ZNF469: variants seen among roughly 807,000 people sequenced by gnomAD.
The protein encoded by ZNF469 is zinc finger protein 469.
In ZNF469, 1 loss-of-function variant was observed where a neutral mutation model predicts 1.0. The observed-to-expected ratio is 1.00, with a 90% CI of 0.35 to 4.73. ZNF469 has a LOEUF of 4.73. Ranked by LOEUF, ZNF469 falls within the 30% of genes most tolerant of loss-of-function variation. The probability of loss-of-function intolerance (pLI) is 0.16; values close to 1 mark genes in which losing one functional copy is unlikely to be tolerated. For missense variants in ZNF469, 6,100 were observed against 5,356.3 expected (o/e 1.14, Z -4.33); for synonymous variants, 2,703 against 2,363.4 (o/e 1.14, Z -4.17).
chr16:88,233,419 C>T, the ZNF469 span, among the ~76,000 whole-genome samples: 3 of 152,346 alleles, frequency 2.0e-5, no homozygotes, highest in Non-Finnish European at 2.9e-5. Context: ...ACATCATTGC[C>T]GTCTTCCTGG....
At chr16:88,360,340 A>C in the ZNF469 span, among the ~76,000 whole-genome samples, 1 of 152,192 alleles carries the variant, frequency 6.6e-6, no homozygotes, top group Non-Finnish European at 1.5e-5. Flanking sequence ...TTTCAAGTGA[A>C]CTTTACATGC....
chr16:88,190,371 C>T, the ZNF469 span, among the ~76,000 whole-genome samples: 2 of 152,232 alleles, frequency 1.3e-5, no homozygotes, highest in South Asian at 4.1e-4. Flanking sequence ...CCAGCACAGC[C>T]CCACCATGCA....
chr16:88,115,734 C>T, the ZNF469 span, among the ~76,000 whole-genome samples: 4 of 151,600 alleles, frequency 2.6e-5, no homozygotes, highest in Non-Finnish European at 5.9e-5. Context: ...CGTACTCCTT[C>T]TGGGGGCTCT....
the ZNF469 span, among the ~76,000 whole-genome samples, chr16:88,102,274 T>C: frequency 6.6e-6 from 1 of 152,146 alleles, no homozygotes; most frequent in Non-Finnish European, 1.5e-5. Context: ...CCCAGCACTT[T>C]GGGAGGCCAA....
At position 88,434,003 on chromosome 16, in the gene ZNF469, C is replaced by T. The variant is rs1906387375; in HGVS notation, c.6533C>T (p.Ala2178Val). ...CSPAWAPLEE[A>V]DGVQATTDTG... ...CCTGCCTGGGCACCTCTGGAAGAGG[C>T]AGATGGCGTCCAAGCCACGACAGAT... Residue 2178 changes from alanine (A) to valine (V), a missense_variant, in exon 3 of 3, where the codon GCA becomes GTA. Coordinates refer to ENST00000565624, the MANE Select transcript of ZNF469 (RefSeq NM_001367624.2). 2 of 1,550,274 alleles carry T rather than the reference C, an allele frequency of 1.3e-6. No individual in the cohort carries two copies. The highest frequency in any genetic ancestry group is 2.4e-5 in the East Asian group (1 of 40,918).
At chr16:88,277,755 G>A in the ZNF469 span, among the ~76,000 whole-genome samples, 3 of 57,146 alleles carry the variant, frequency 5.2e-5, no homozygotes, top group African/African-American at 1.2e-4. Context: ...GCTGTGCCAC[G>A]CTGACACTCG....
At chr16:88,249,966 C>T in the ZNF469 span, among the ~76,000 whole-genome samples, 1 of 152,236 alleles carries the variant, frequency 6.6e-6, no homozygotes, top group Admixed American at 6.5e-5. Flanking sequence ...TTCTCGACCT[C>T]CAGGATTTGG....
At chr16:88,132,860 C>T in the ZNF469 span, among the ~76,000 whole-genome samples, 43 of 152,304 alleles carry the variant, frequency 2.8e-4, no homozygotes, top group African/African-American at 1.0e-3. Context: ...CGAATTTGGA[C>T]ATAAACAGGT....
chr16:88,346,278 C>T, the ZNF469 span, among the ~76,000 whole-genome samples: 3 of 152,192 alleles, frequency 2.0e-5, no homozygotes, highest in African/African-American at 4.8e-5. Context: ...CCGTTCATCT[C>T]GGGAGAACCT....
the ZNF469 span, among the ~76,000 whole-genome samples, chr16:88,176,018 A>G: frequency 1.3e-5 from 2 of 152,192 alleles, no homozygotes; most frequent in Non-Finnish European, 2.9e-5. Context: ...GTGTGTGGTG[A>G]AGCTGACTCA....
At chr16:88,178,144 G>C in the ZNF469 span, 1 of 152,194 alleles carries the variant, frequency 6.6e-6, no homozygotes, top group Non-Finnish European at 1.5e-5. Context: ...AAACTGCTGA[G>C]AGCAGGCCAT....
the ZNF469 span, among the ~76,000 whole-genome samples, chr16:88,305,698 C>T: frequency 6.6e-6 from 1 of 152,090 alleles, no homozygotes; most frequent in Admixed American, 6.5e-5. Context: ...ACACGCATGA[C>T]CATACATGCA....
rs1408770467 is a variant in ZNF469, at chr16:88,430,510, A to G, written c.3040A>G (p.Arg1014Gly). The G allele has an allele frequency of 6.3e-6, 9 of 1,424,948 alleles. No individual in the cohort carries two copies. The East Asian group carries it at 1.7e-4, about 27-fold the overall frequency. 88.3% of individuals were successfully genotyped at this position (1,424,948 alleles called of 1,614,324 possible). A position where few individuals can be genotyped will look rare whatever the true frequency, so the allele number is the denominator to read the frequency against. ...SRADPAPRVP[R>G]AAALPEETRS... ...CGCAGACCCCGCGCCCCGGGTCCCG[A>G]GAGCCGCCGCCCTCCCCGAGGAGAC... The change falls in exon 3 of 3, where the codon AGA (arginine) becomes GGA (glycine). Residue 1014 changes from arginine (R) to glycine (G), a missense_variant. Physicochemically the swap from Arg to Gly is moderately radical, Grantham distance 125. Coordinates refer to ENST00000565624, the MANE Select transcript of ZNF469 (RefSeq NM_001367624.2).
At chr16:88,322,985 G>A in the ZNF469 span, among the ~76,000 whole-genome samples, 2 of 152,118 alleles carry the variant, frequency 1.3e-5, no homozygotes, top group Non-Finnish European at 2.9e-5. Flanking sequence ...TGCTTACAAC[G>A]CTGTCAGTAC....
chr16:88,218,323 T>A, the ZNF469 span, among the ~76,000 whole-genome samples: 3 of 150,450 alleles, frequency 2.0e-5, no homozygotes, highest in Non-Finnish European at 4.4e-5. Context: ...TTTGAGTTCA[T>A]TGTAGATTCT....
the ZNF469 span, among the ~76,000 whole-genome samples, chr16:88,291,212 C>A: frequency 6.6e-6 from 1 of 152,184 alleles, no homozygotes; most frequent in Non-Finnish European, 1.5e-5. Context: ...CCAGAAGCAC[C>A]AGTGGGCAGA....
At chr16:88,182,326 A>T in the ZNF469 span, among the ~76,000 whole-genome samples, 1 of 151,754 alleles carries the variant, frequency 6.6e-6, no homozygotes, top group Non-Finnish European at 1.5e-5. Flanking sequence ...ATCCAATGGA[A>T]TCACAATCAA....
the ZNF469 span, among the ~76,000 whole-genome samples, chr16:88,110,366 C>G: frequency 6.6e-6 from 1 of 152,398 alleles, no homozygotes; most frequent in East Asian, 1.9e-4. Context: ...CCCGCTCACG[C>G]CGGACTGAAC....
At chr16:88,233,095 C>A in the ZNF469 span, among the ~76,000 whole-genome samples, 1 of 151,982 alleles carries the variant, frequency 6.6e-6, no homozygotes, top group African/African-American at 2.4e-5. Flanking sequence ...CGTTCAAGGA[C>A]GAGGCTTCCG....
Sources: allele counts gnomAD v4.1 joint callset (sites outside exome capture counted in the v4.1 genomes callset), GRCh38; gene constraint gnomAD v4.1.1; transcripts MANE v1.5; gene names NCBI Gene and HGNC (gene_info 2026-07-23, HGNC 2026-07-21).